WRN: variants seen among roughly 807,000 people sequenced by gnomAD.
The protein encoded by WRN is bifunctional 3'-5' exonuclease/ATP-dependent helicase WRN.
In WRN, 149 loss-of-function variants were observed where a neutral mutation model predicts 180.7. The ratio of observed to expected loss-of-function variants is 0.82; its 90% CI spans 0.72 to 0.94. WRN has a LOEUF of 0.94. Ranked by LOEUF, WRN falls within the 40% of genes least tolerant of loss-of-function variation. The pLI, the probability that WRN is intolerant of heterozygous loss-of-function variation, is 0.00. For synonymous variants in WRN, 548 were observed against 568.9 expected, an observed-to-expected ratio of 0.96 and a Z score of 0.52; for missense variants, 1,661 against 1,700.1, an observed-to-expected ratio of 0.98 and a Z score of 0.40.
In WRN at chr8:31,081,102, G is replaced by A. The variant is rs1433935133; in HGVS notation, c.1075G>A (p.Gly359Arg). 5 of 1,613,898 alleles carry A rather than the reference G, an allele frequency of 3.1e-6. No homozygotes were observed. In the African/African-American group the frequency reaches 5.3e-5, roughly 17 times the overall value. The change falls in exon 9 of 35, where the codon GGA becomes AGA. Residue 359 changes from glycine (G) to arginine (R), a missense_variant. Gly to Arg is a moderately radical substitution (Grantham distance 125). Transcript: ENST00000298139. Reference protein sequence around the residue: ...PTLDHLAKHDGEDVLGNKVER... With the variant: ...PTLDHLAKHDREDVLGNKVER... ...ACTTGATCATTTAGCTAAACATGATGGAGAAGATGTACTTGGAAATAAAGT... is the reference window on the plus strand; with the variant it reads ...ACTTGATCATTTAGCTAAACATGATAGAGAAGATGTACTTGGAAATAAAGT...
At chr8:31,068,476 G>A (rs966200037) in intron 7 of WRN, 149 bp downstream of exon 7, 2 of 650,156 alleles carry the variant, frequency 3.1e-6, no homozygotes, top group Non-Finnish European at 5.4e-6. Flanking sequence ...GATCCATCAG[G>A]GCCCAAGATG....
chr8:31,143,629 G>C lies in WRN; in HGVS notation c.3383+6G>C. On this transcript the variant is annotated splice_donor_region_variant and intron_variant, in intron 28 of 34. Transcript: ENST00000298139. ...AGTAACATTTCTAAAAAAAGGTACAGAGTTCCATATTTCTATGTTCTATAC... is the reference window on the plus strand; with the variant it reads ...AGTAACATTTCTAAAAAAAGGTACACAGTTCCATATTTCTATGTTCTATAC... 3.8e-6 allele frequency: 6 copies of C among 1,569,368 alleles called. No homozygotes were observed. Among genetic ancestry groups the C allele is most frequent in the Non-Finnish European group, 5.3e-6 (6 of 1,140,826 alleles).
At chr8:31,041,864 G>A (rs1191245219) in intron 1 of WRN, among the ~76,000 whole-genome samples, 3 of 152,184 alleles carry the variant, frequency 2.0e-5, no homozygotes, top group Admixed American at 1.3e-4. Flanking sequence ...AGCTGCATAG[G>A]TACAGGCACA....
Position 31,154,621 on chromosome 8 carries a change from TAGAC to T in WRN, c.3690_3693del (p.Asp1231SerfsTer16), listed in dbSNP as rs606231162. 9 of 1,611,096 alleles carry T rather than the reference TAGAC, an allele frequency of 5.6e-6. No homozygotes were observed. Among genetic ancestry groups the T allele is most frequent in the Non-Finnish European group, 7.6e-6 (9 of 1,178,076 alleles). ...CATTTGTGCTACATTAAAAATTCTG[TAGAC>T]AGACCTCTTTTCAAGTACAAAACCT... On this transcript the variant is annotated splice_acceptor_variant and coding_sequence_variant, in exon 32 of 35. Coordinates refer to ENST00000298139, the MANE Select transcript of WRN (RefSeq NM_000553.6). LOFTEE classifies it high-confidence loss of function.
rs1489643751 is a variant in WRN at position 31,174,452 on chromosome 8, C to T, written c.*1350C>T. 6.6e-6 allele frequency among the ~76,000 whole-genome samples: 1 copy of T among 152,070 alleles called. No individual in the cohort carries two copies. The highest frequency in any genetic ancestry group is 1.5e-5 in the Non-Finnish European group (1 of 68,018). ...ACTGAAAAGAATGACTAATGAAAAA[C>T]GATGATTGGTTATTAGATTTGGATG... On this transcript the variant is annotated 3_prime_UTR_variant, in exon 35 of 35. Coordinates refer to ENST00000298139, the MANE Select transcript of WRN (RefSeq NM_000553.6).
chr8:31,132,470 T>A lies in WRN; in HGVS notation c.2931T>A (p.Phe977Leu). The A allele has an allele frequency of 6.2e-7, 1 of 1,614,186 alleles. No homozygotes were observed. Among genetic ancestry groups the A allele is most frequent in the Non-Finnish European group, 8.5e-7 (1 of 1,180,028 alleles). Residue 977 changes from phenylalanine (F) to leucine (L), a missense_variant, in exon 24 of 35, where the codon TTT becomes TTA. Physicochemically the swap from Phe to Leu is conservative, Grantham distance 22 (BLOSUM62 0). Around this residue, in one of 3 missense-constraint regions of WRN, gnomAD observed 1,141 missense variants for 1,149.4 expected, o/e 0.99. Transcript: ENST00000298139. ...LSAVDILGEK[F>L]GIGLPILFLR... ...CTGTGGACATCTTAGGCGAAAAATT[T>A]GGAATTGGGCTTCCAATTTTATTTC...
At chr8:31,162,130 C>T (rs769085967) in intron 33 of WRN, among the ~76,000 whole-genome samples, 1 of 151,518 alleles carries the variant, frequency 6.6e-6, no homozygotes, top group Non-Finnish European at 1.5e-5. Flanking sequence ...TTAACCTTAG[C>T]TTACTGTAAT....
chr8:31,109,187 C>G (rs1247000050), intron 18 of WRN, among the ~76,000 whole-genome samples: 1 of 152,162 alleles, frequency 6.6e-6, no homozygotes, highest in Admixed American at 6.5e-5. Flanking sequence ...ATACACTCAG[C>G]CCTTGTGGCT....
chr8:31,132,318 T>A, intron 23 of WRN, 47 bp from the exon 24 acceptor site: 1 of 1,596,602 alleles, frequency 6.3e-7, no homozygotes, highest in Non-Finnish European at 8.5e-7. Context: ...TTTCTAAAGA[T>A]ACATGCCTTT....
chr8:31,073,745 C>T (rs1361608478), intron 7 of WRN, among the ~76,000 whole-genome samples: 2 of 151,992 alleles, frequency 1.3e-5, no homozygotes, highest in African/African-American at 4.8e-5. Context: ...CTGGGAGGGC[C>T]ACTAATGAAG....
intron 7 of WRN, among the ~76,000 whole-genome samples, chr8:31,075,468 T>G (rs1813061030): frequency 6.6e-6 from 1 of 152,030 alleles, no homozygotes. Context: ...TCCCAGCACT[T>G]TGGGAGGCCA....
At chr8:31,095,574 G>T (rs1813930532) in intron 16 of WRN, among the ~76,000 whole-genome samples, 1 of 152,144 alleles carries the variant, frequency 6.6e-6, no homozygotes, top group Non-Finnish European at 1.5e-5. Flanking sequence ...GTTGTCTATT[G>T]TATGAGGTAT....
chr8:31,109,733 T>C (rs1412109942), intron 18 of WRN, among the ~76,000 whole-genome samples: 1 of 152,236 alleles, frequency 6.6e-6, no homozygotes, highest in East Asian at 1.9e-4. Flanking sequence ...ACTGTTATTG[T>C]AGCCATTTTA....
chr8:31,120,897 A>G (rs1361850798), intron 21 of WRN, among the ~76,000 whole-genome samples: 1 of 151,870 alleles, frequency 6.6e-6, no homozygotes, highest in Non-Finnish European at 1.5e-5. Flanking sequence ...GACTCTTGTT[A>G]CTATTTGTTT....
At chr8:31,141,324 T>C in intron 24 of WRN, 106 bp from the exon 25 acceptor site, 1 of 1,445,914 alleles carries the variant, frequency 6.9e-7, no homozygotes. Flanking sequence ...GTTTTTAAAG[T>C]TGAAATTTAG....
At chr8:31,047,218 C>G (rs1313676625) in intron 1 of WRN, among the ~76,000 whole-genome samples, 2 of 150,278 alleles carry the variant, frequency 1.3e-5, no homozygotes, top group Non-Finnish European at 2.9e-5. Flanking sequence ...TCGTGGCTCA[C>G]TGCAACCTCG....
At chr8:31,092,388 A>C (rs1251113622) in intron 16 of WRN, among the ~76,000 whole-genome samples, 1 of 151,652 alleles carries the variant, frequency 6.6e-6, no homozygotes, top group Non-Finnish European at 1.5e-5. Context: ...TTCTATCATG[A>C]TGTAATTCCT....
chr8:31,123,155 A>G (rs1801791406), intron 21 of WRN, among the ~76,000 whole-genome samples: 1 of 151,882 alleles, frequency 6.6e-6, no homozygotes, highest in South Asian at 2.1e-4. Flanking sequence ...TTCCCTTAGA[A>G]TCATCCCTTT....
At chr8:31,072,006 ACAGC>A (rs1812931709) in intron 7 of WRN, among the ~76,000 whole-genome samples, 1 of 152,194 alleles carries the variant, frequency 6.6e-6, no homozygotes, top group Non-Finnish European at 1.5e-5. Context: ...GACCTGTAAG[ACAGC>A]AAAGTGGAGG....
Sources: allele counts gnomAD v4.1 joint callset (sites outside exome capture counted in the v4.1 genomes callset), GRCh38; gene constraint gnomAD v4.1.1; regional missense constraint gnomAD v4.1.1; transcripts MANE v1.5; gene names NCBI Gene and HGNC (gene_info 2026-07-23, HGNC 2026-07-21).